MDGA2: variants seen among roughly 807,000 people sequenced by gnomAD.
MDGA2 encodes the protein MAM domain containing glycosylphosphatidylinositol anchor 2.
Under a neutral mutation model 117.8 loss-of-function variants are expected in MDGA2, and 40 were observed. That is an observed-to-expected ratio of 0.34 (90% confidence interval 0.26 to 0.44). MDGA2 has a LOEUF of 0.44. Ranked by LOEUF, MDGA2 falls within the 20% of genes least tolerant of loss-of-function variation. MDGA2 has a pLI of 1.00. For synonymous variants in MDGA2, 452 were observed against 439.0 expected, an observed-to-expected ratio of 1.03 and a Z score of -0.37; for missense variants, 1,123 against 1,250.6, an observed-to-expected ratio of 0.90 and a Z score of 1.54.
intron 1 of MDGA2, among the ~76,000 whole-genome samples, chr14:47,671,178 G>C (rs560636786): frequency 1.1e-4 from 16 of 152,246 alleles, no homozygotes; most frequent in African/African-American, 3.6e-4. Context: ...ATCCAACTGT[G>C]ACACCATATA....
chr14:46,859,413 G>C (rs948182297), intron 14 of MDGA2, among the ~76,000 whole-genome samples: 1 of 152,156 alleles, frequency 6.6e-6, no homozygotes, highest in African/African-American at 2.4e-5. Flanking sequence ...CAGACTTTTG[G>C]ATTCAACCCT....
intron 5 of MDGA2, among the ~76,000 whole-genome samples, chr14:47,106,137 T>G (rs1880659807): frequency 6.6e-6 from 1 of 152,186 alleles, no homozygotes; most frequent in Non-Finnish European, 1.5e-5. Context: ...ATGGCTCATT[T>G]GGCAGCAACC....
chr14:47,637,865 C>T (rs1159734987), intron 1 of MDGA2, among the ~76,000 whole-genome samples: 1 of 152,182 alleles, frequency 6.6e-6, no homozygotes, highest in East Asian at 1.9e-4. Flanking sequence ...TGTTCCTACA[C>T]TGGCTTTGGT....
chr14:47,353,992 G>GGTTC (rs1038140027), intron 1 of MDGA2, among the ~76,000 whole-genome samples: 5 of 152,064 alleles, frequency 3.3e-5, no homozygotes, highest in African/African-American at 1.2e-4. Context: ...ATACAAGGAT[G>GGTTC]GTTCAACTTA....
intron 1 of MDGA2, among the ~76,000 whole-genome samples, chr14:47,619,922 G>A (rs1566544850): frequency 6.6e-6 from 1 of 152,182 alleles, no homozygotes; most frequent in Non-Finnish European, 1.5e-5. Context: ...TTGATCTGTT[G>A]TTGTCCTCAT....
chr14:47,639,806 G>A (rs9888593), intron 1 of MDGA2, among the ~76,000 whole-genome samples: 47,089 of 151,904 alleles, frequency 0.31, 8,019 homozygotes, highest in Middle Eastern at 0.41. Flanking sequence ...CTCCACATGT[G>A]CCTTTCTGCA....
chr14:47,098,727 T>C lies in MDGA2; in HGVS notation c.926-1604A>G, dbSNP rs1880127516. On this transcript the variant is annotated intron_variant, in intron 5 of 16. Coordinates refer to ENST00000399232, the MANE Select transcript of MDGA2 (RefSeq NM_001113498.3). ...ATTAAAATATAGAGATCTCAACATT[T>C]ATATCATATTAACAGATTAATTTCT... is the stretch of plus-strand genomic sequence containing the variant. 7.9e-5 allele frequency among the ~76,000 whole-genome samples: 12 copies of C among 152,040 alleles called. 1 individual carries two copies. In the South Asian group the frequency reaches 2.1e-3, roughly 26 times the overall value.
intron 1 of MDGA2, among the ~76,000 whole-genome samples, chr14:47,498,125 G>A (rs978556059): frequency 3.9e-5 from 6 of 152,224 alleles, no homozygotes; most frequent in African/African-American, 1.4e-4. Flanking sequence ...GCTCCACATG[G>A]GAGGCAGAAA....
chr14:47,370,899 T>C (rs1283571793), intron 1 of MDGA2, among the ~76,000 whole-genome samples: 2 of 151,860 alleles, frequency 1.3e-5, no homozygotes, highest in African/African-American at 4.8e-5. Context: ...TTCTGATTAA[T>C]ACTGTCCTGA....
At chr14:46,951,253 A>G (rs1236012912) in intron 9 of MDGA2, among the ~76,000 whole-genome samples, 1 of 151,984 alleles carries the variant, frequency 6.6e-6, no homozygotes. Flanking sequence ...TAATATTTCA[A>G]TAGATACAGC....
chr14:47,138,033 CCTT>C (rs1201836335), intron 4 of MDGA2, among the ~76,000 whole-genome samples: 1 of 152,074 alleles, frequency 6.6e-6, no homozygotes, highest in East Asian at 1.9e-4. Context: ...TTGAGCCTTA[CCTT>C]CTTAATTCAT....
rs1056531398 is a variant in MDGA2 at position 46,840,096 on chromosome 14, T to C, written c.*1835A>G. 2.6e-5 allele frequency: 4 copies of C among 152,446 alleles called. No individual in the cohort carries two copies. Among genetic ancestry groups the C allele is most frequent in the Non-Finnish European group, 5.9e-5 (4 of 67,936 alleles). 9.4% of individuals were successfully genotyped at this position (152,446 alleles called of 1,614,324 possible). On this transcript the variant is annotated 3_prime_UTR_variant, in exon 17 of 17. Coordinates refer to ENST00000399232, the MANE Select transcript of MDGA2 (RefSeq NM_001113498.3). ...AAACACACATACTGCTTGTCATACCTTACCTGGAAAGAGGCTTTATTGAAC... is the reference window on the plus strand; with the variant it reads ...AAACACACATACTGCTTGTCATACCCTACCTGGAAAGAGGCTTTATTGAAC...
At chr14:47,543,585 A>C (rs1955809) in intron 1 of MDGA2, among the ~76,000 whole-genome samples, 95,559 of 151,990 alleles carry the variant, frequency 0.63, 31,056 homozygotes, top group East Asian at 0.99. Flanking sequence ...TAGTTTTTCC[A>C]CATGGTTAAT....
At chr14:46,875,485 G>T (rs1166698975) in intron 12 of MDGA2, among the ~76,000 whole-genome samples, 2 of 151,290 alleles carry the variant, frequency 1.3e-5, no homozygotes, top group African/African-American at 4.8e-5. Context: ...ATATTTAAGG[G>T]AGTCTAAATA....
intron 1 of MDGA2, among the ~76,000 whole-genome samples, chr14:47,432,467 T>A (rs1892818623): frequency 6.6e-6 from 1 of 152,096 alleles, no homozygotes; most frequent in African/African-American, 2.4e-5. Context: ...TCCTATTTTA[T>A]CTCCATCACA....
At chr14:47,656,903 C>T (rs1193035159) in intron 1 of MDGA2, among the ~76,000 whole-genome samples, 2 of 152,168 alleles carry the variant, frequency 1.3e-5, no homozygotes, top group Non-Finnish European at 2.9e-5. Flanking sequence ...CTGCCTCAAA[C>T]TATAGAGCGT....
In MDGA2 at chr14:47,351,697, G is replaced by A. The variant is rs536569832; in HGVS notation, c.281-50147C>T. Among the ~76,000 whole-genome samples the A allele has an allele frequency of 3.9e-5, 6 of 152,144 alleles. No homozygotes were observed. In the South Asian group the frequency reaches 1.2e-3, roughly 32 times the overall value. On this transcript the variant is annotated intron_variant, in intron 1 of 16. Coordinates refer to ENST00000399232, the MANE Select transcript of MDGA2 (RefSeq NM_001113498.3). The stretch of plus-strand genomic sequence containing the variant: ...TTATAAGTTTCATGTTAATACCTAA[G>A]AAAATAAGCCAATCATCCTTTTAAT...
chr14:47,145,700 C>G (rs1276135982), intron 3 of MDGA2, among the ~76,000 whole-genome samples: 1 of 152,050 alleles, frequency 6.6e-6, no homozygotes, highest in Non-Finnish European at 1.5e-5. Context: ...ATTATTTAGG[C>G]TGTTGAAGGA....
chr14:47,626,153 C>T (rs1897134842), intron 1 of MDGA2, among the ~76,000 whole-genome samples: 1 of 152,220 alleles, frequency 6.6e-6, no homozygotes, highest in African/African-American at 2.4e-5. Flanking sequence ...TGCATTCTAT[C>T]TATCAACAAT....
Sources: gnomAD v4.1 joint callset for allele counts (sites outside exome capture counted in the v4.1 genomes callset) on GRCh38, gnomAD v4.1.1 for gene constraint, MANE v1.5 for transcripts, NCBI Gene and HGNC (gene_info 2026-07-23, HGNC 2026-07-21) for gene names.